The following WWOX variants were observed in gnomAD, a reference collection of about 807,000 sequenced individuals.
WWOX encodes the protein WW domain-containing oxidoreductase.
Under a neutral mutation model 46.2 loss-of-function variants are expected in WWOX, and 69 were observed. That is an observed-to-expected ratio of 1.49 (90% CI 1.23 to 1.82). The LOEUF (loss-of-function observed/expected upper bound fraction) is 1.82. Among genes scored for constraint, WWOX ranks in the 40% most tolerant of loss-of-function variants. The pLI is 0.00. For missense variants in WWOX, 919 were observed against 542.6 expected, an observed-to-expected ratio of 1.69 and a Z score of -6.89; for synonymous variants, 359 against 202.6, an observed-to-expected ratio of 1.77 and a Z score of -6.56.
chr16:78,483,577 G>A (rs1269454142), intron 8 of WWOX, among the ~76,000 whole-genome samples: 6 of 151,936 alleles, frequency 3.9e-5, no homozygotes, highest in African/African-American at 9.7e-5. Flanking sequence ...ACGCAGACTC[G>A]GAAAATCAAT....
intron 8 of WWOX, among the ~76,000 whole-genome samples, chr16:79,043,680 C>G (rs1264763287): frequency 1.3e-5 from 2 of 152,210 alleles, no homozygotes; most frequent in East Asian, 3.8e-4. Context: ...TAAATAGGAT[C>G]AGGCTGACCA....
chr16:78,881,800 A>G (rs944082070), intron 8 of WWOX, among the ~76,000 whole-genome samples: 1 of 152,202 alleles, frequency 6.6e-6, no homozygotes, highest in Non-Finnish European at 1.5e-5. Flanking sequence ...TAGTGATTTT[A>G]TGGATATAGG....
chr16:78,252,175 G>C (rs1424936637), intron 5 of WWOX, among the ~76,000 whole-genome samples: 1 of 152,142 alleles, frequency 6.6e-6, no homozygotes, highest in East Asian at 1.9e-4. Context: ...CATTGAAAGG[G>C]TTTATTGCAC....
At chr16:78,322,774 G>C (rs953634403) in intron 5 of WWOX, among the ~76,000 whole-genome samples, 2 of 152,198 alleles carry the variant, frequency 1.3e-5, no homozygotes, top group African/African-American at 4.8e-5. Flanking sequence ...TTTTGCAACT[G>C]TTCCACTTTG....
At chr16:78,836,086 T>A (rs1325577286) in intron 8 of WWOX, among the ~76,000 whole-genome samples, 1 of 152,240 alleles carries the variant, frequency 6.6e-6, no homozygotes, top group East Asian at 1.9e-4. Flanking sequence ...GTTGAGAAAG[T>A]GACCTTGTAT....
At chr16:78,632,726 T>C (rs2046464501) in intron 8 of WWOX, among the ~76,000 whole-genome samples, 1 of 151,586 alleles carries the variant, frequency 6.6e-6, no homozygotes, top group African/African-American at 2.4e-5. Context: ...GCCCAGCTGA[T>C]TTTGTATTTT....
At chr16:78,539,753 G>A (rs763963541) in intron 8 of WWOX, among the ~76,000 whole-genome samples, 4 of 152,114 alleles carry the variant, frequency 2.6e-5, no homozygotes, top group Non-Finnish European at 5.9e-5. Flanking sequence ...TGCTAATGTC[G>A]GGGTGAGATG....
At chr16:79,089,581 C>G (rs1458901573) in intron 8 of WWOX, among the ~76,000 whole-genome samples, 1 of 152,152 alleles carries the variant, frequency 6.6e-6, no homozygotes, top group South Asian at 2.1e-4. Flanking sequence ...CTGCCCGCCT[C>G]AAAGTCCCAA....
At chr16:78,895,468 G>C (rs1395782909) in intron 8 of WWOX, 1 of 152,262 alleles carries the variant, frequency 6.6e-6, no homozygotes, top group Non-Finnish European at 1.5e-5. Context: ...CGATGGCCTA[G>C]CTTCCATCCC....
At chr16:79,039,711 T>G (rs2047935518) in intron 8 of WWOX, among the ~76,000 whole-genome samples, 1 of 152,190 alleles carries the variant, frequency 6.6e-6, no homozygotes, top group African/African-American at 2.4e-5. Flanking sequence ...AGCAGGGTGA[T>G]GCTAGATGGA....
Position 78,357,924 on chromosome 16 carries a change from A to T in WWOX, c.517-28936A>T, listed in dbSNP as rs150068700. ...GCCTGTTTTCTTGCCTAAGCGGTGG[A>T]CGCATTGAGTAGGAGAAGGCCAGTT... is the stretch of plus-strand genomic sequence containing the variant. On this transcript the variant is annotated intron_variant, in intron 5 of 8. Coordinates refer to ENST00000566780, the MANE Select transcript of WWOX (RefSeq NM_016373.4). Among the ~76,000 whole-genome samples the T allele has an allele frequency of 3.3e-5, 5 of 152,242 alleles. No homozygotes were observed. In the East Asian group the frequency reaches 7.7e-4, roughly 24 times the overall value.
intron 8 of WWOX, among the ~76,000 whole-genome samples, chr16:78,850,513 A>C (rs914809101): frequency 6.6e-6 from 1 of 152,174 alleles, no homozygotes; most frequent in African/African-American, 2.4e-5. Flanking sequence ...TAGTTTTTTT[A>C]CTGCTAAGAA....
At chr16:78,209,732 C>T (rs543673233) in intron 5 of WWOX, among the ~76,000 whole-genome samples, 167 of 85,762 alleles carry the variant, frequency 1.9e-3, no homozygotes, top group Non-Finnish European at 2.9e-3. Context: ...TATGGGCTTG[C>T]GGAGATTAAA....
At chr16:78,903,471 C>T (rs148130937) in intron 8 of WWOX, among the ~76,000 whole-genome samples, 1 of 152,230 alleles carries the variant, frequency 6.6e-6, no homozygotes, top group Non-Finnish European at 1.5e-5. Flanking sequence ...ATGCAAACGT[C>T]TGATTGGTTG....
intron 8 of WWOX, among the ~76,000 whole-genome samples, chr16:78,751,974 A>C (rs772318394): frequency 8.0e-5 from 12 of 150,422 alleles, no homozygotes; most frequent in Non-Finnish European, 1.6e-4. Context: ...GGCTGCCACA[A>C]TACTTCTAAA....
At chr16:78,679,755 C>T (rs1353612790) in intron 8 of WWOX, among the ~76,000 whole-genome samples, 1 of 152,150 alleles carries the variant, frequency 6.6e-6, no homozygotes, top group East Asian at 1.9e-4. Context: ...AGAATAATGT[C>T]CAAACATCTT....
At chr16:78,640,301 G>T (rs1281898960) in intron 8 of WWOX, among the ~76,000 whole-genome samples, 2 of 134,322 alleles carry the variant, frequency 1.5e-5, no homozygotes, top group South Asian at 4.9e-4. Context: ...ACTATTGAAG[G>T]AATGTTTCAC....
At chr16:79,014,704 C>G (rs1224179549) in intron 8 of WWOX, among the ~76,000 whole-genome samples, 2 of 152,118 alleles carry the variant, frequency 1.3e-5, no homozygotes, top group African/African-American at 4.8e-5. Context: ...GATGAAAGAA[C>G]CAAGGCATAG....
At chr16:78,224,519 GC>G (rs2036988743) in intron 5 of WWOX, among the ~76,000 whole-genome samples, 1 of 151,994 alleles carries the variant, frequency 6.6e-6, no homozygotes, top group Admixed American at 6.6e-5. Context: ...TTTAATAGCT[GC>G]CCAATGTCCT....
Sources: gnomAD v4.1 joint callset for allele counts (sites outside exome capture counted in the v4.1 genomes callset) on GRCh38, gnomAD v4.1.1 for gene constraint, MANE v1.5 for transcripts, NCBI Gene and HGNC (gene_info 2026-07-23, HGNC 2026-07-21) for gene names.